NF1: variants seen among roughly 807,000 people sequenced by gnomAD.
NF1 encodes neurofibromin.
Under a neutral mutation model 325.7 loss-of-function variants are expected in NF1, and 122 were observed. That is an observed-to-expected ratio of 0.37 (90% CI 0.32 to 0.44). The LOEUF is 0.44. Ranked by LOEUF, NF1 falls within the 20% of genes least tolerant of loss-of-function variation. The pLI is 1.00. For synonymous variants in NF1, 1,091 were observed against 1,186.0 expected, an observed-to-expected ratio of 0.92 and a Z score of 1.65; for missense variants, 2,140 against 3,415.4, an observed-to-expected ratio of 0.63 and a Z score of 9.31.
chr17:31,275,936 A>G (rs1205702913), intron 36 of NF1, among the ~76,000 whole-genome samples: 1 of 152,112 alleles, frequency 6.6e-6, no homozygotes, highest in Non-Finnish European at 1.5e-5. Context: ...AAAGAATAGG[A>G]CACAGGCTCA....
intron 48 of NF1, among the ~76,000 whole-genome samples, chr17:31,346,901 C>G (rs1016726059): frequency 2.9e-5 from 4 of 136,034 alleles, no homozygotes; most frequent in African/African-American, 1.1e-4. Flanking sequence ...CTCTCAGATT[C>G]TAATAACTGA....
At position 31,116,474 on chromosome 17, in the gene NF1, G is replaced by A. The variant is rs1298815181; in HGVS notation, c.60+21105G>A. ...AAGAGTATCTGCGTAATCTAACTAG[G>A]ACCTGTCTAACCTACCTGCTTAAGG... On this transcript the variant is annotated intron_variant, in intron 1 of 57. Transcript: ENST00000358273. Among the ~76,000 whole-genome samples, 9 of 152,050 alleles carry A rather than the reference G, an allele frequency of 5.9e-5. No individual in the cohort carries two copies. The East Asian group carries it at 1.7e-3, about 29-fold the overall frequency.
chr17:31,100,118 C>T (rs1234468049), intron 1 of NF1, among the ~76,000 whole-genome samples: 3 of 151,432 alleles, frequency 2.0e-5, no homozygotes, highest in African/African-American at 7.3e-5. Context: ...AAAAGTAGTA[C>T]ATAAAAGCCA....
chr17:31,181,570 A>G, intron 6 of NF1, 81 bp downstream of exon 6: 1 of 1,399,878 alleles, frequency 7.1e-7, no homozygotes, highest in Non-Finnish European at 1.0e-6. Context: ...TCAAAAAGTT[A>G]TGACTTGAGT....
chr17:31,360,921 C>T, intron 57 of NF1: 1 of 579,910 alleles, frequency 1.7e-6, no homozygotes, highest in South Asian at 2.0e-5. Context: ...GTTAAAATGT[C>T]CACATGATAT....
chr17:31,190,085 A>C (rs1274522455), intron 8 of NF1, among the ~76,000 whole-genome samples: 1 of 102,930 alleles, frequency 9.7e-6, no homozygotes, highest in African/African-American at 3.0e-5. Flanking sequence ...TTAAAAATGT[A>C]TTACAAAAAA....
intron 5 of NF1, among the ~76,000 whole-genome samples, chr17:31,177,028 C>A (rs145264333): frequency 6.6e-4 from 101 of 152,220 alleles, no homozygotes; most frequent in African/African-American, 2.3e-3. Context: ...GTAGTTTTTT[C>A]TAATTCTGTG....
intron 25 of NF1, 127 bp from the exon 26 acceptor site, chr17:31,232,571 CGA>C: frequency 1.1e-6 from 1 of 895,466 alleles, no homozygotes; most frequent in Non-Finnish European, 1.8e-6. Flanking sequence ...CTGATTATCG[CGA>C]GAGAGGAGAG....
rs767807938 is a variant in NF1 at position 31,095,222 on chromosome 17, C to A, written c.-88C>A. 7.7e-7 allele frequency: 1 copy of A among 1,291,292 alleles called. No homozygotes were observed. Among genetic ancestry groups the A allele is most frequent in the Non-Finnish European group, 1.1e-6 (1 of 925,458 alleles). The allele number at this position is 1,291,292 out of a possible 1,614,324, so 80.0% of individuals were successfully genotyped here. On this transcript the variant is annotated 5_prime_UTR_variant, in exon 1 of 58. Transcript: ENST00000358273. ...CACAGACCCTCTCCTTGCCTCTTCC[C>A]TCACCTCAGCCTCCGCTCCCCGCCC...
chr17:31,304,716 A>T, intron 36 of NF1: 1 of 1,614,192 alleles, frequency 6.2e-7, no homozygotes, highest in Non-Finnish European at 8.5e-7. Flanking sequence ...TGGAGTCTTC[A>T]ATGTTTTCAC....
chr17:31,326,604 G>A (rs1357730802), intron 37 of NF1, among the ~76,000 whole-genome samples: 7 of 152,062 alleles, frequency 4.6e-5, no homozygotes, highest in South Asian at 4.1e-4. Flanking sequence ...CCGAGATTGC[G>A]CCACTGCACT....
chr17:31,295,233 G>A (rs1196087429), intron 36 of NF1: 27 of 1,613,982 alleles, frequency 1.7e-5, no homozygotes, highest in Non-Finnish European at 2.2e-5. Context: ...GAGCTAGTGA[G>A]GCTTGTGTTT....
intron 1 of NF1, among the ~76,000 whole-genome samples, chr17:31,097,703 CTT>C (rs879860758): frequency 6.8e-6 from 1 of 146,654 alleles, no homozygotes; most frequent in African/African-American, 2.5e-5. Context: ...TTATTCCTCA[CTT>C]TTTTTTTTTG....
chr17:31,134,824 G>T (rs906992698), intron 1 of NF1, among the ~76,000 whole-genome samples: 2 of 152,136 alleles, frequency 1.3e-5, no homozygotes, highest in African/African-American at 2.4e-5. Flanking sequence ...TGATCTGAGA[G>T]AATCAAAAGC....
chr17:31,115,665 C>G (rs929292929), intron 1 of NF1, among the ~76,000 whole-genome samples: 1 of 152,178 alleles, frequency 6.6e-6, no homozygotes, highest in Non-Finnish European at 1.5e-5. Context: ...CCAGTGATTT[C>G]CAAGTTCCAT....
chr17:31,141,883 TACC>T (rs1916242861), intron 1 of NF1, among the ~76,000 whole-genome samples: 1 of 152,188 alleles, frequency 6.6e-6, no homozygotes, highest in African/African-American at 2.4e-5. Context: ...TTATGTTTGT[TACC>T]TGGTGTCTAG....
chr17:31,117,617 G>A (rs978596374), intron 1 of NF1, among the ~76,000 whole-genome samples: 2 of 125,482 alleles, frequency 1.6e-5, no homozygotes, highest in African/African-American at 2.9e-5. Context: ...AGCTTGCAGT[G>A]AGCCAAGACT....
intron 1 of NF1, among the ~76,000 whole-genome samples, chr17:31,104,077 G>A (rs1040917012): frequency 6.6e-6 from 1 of 151,460 alleles, no homozygotes; most frequent in Non-Finnish European, 1.5e-5. Flanking sequence ...TTTGGGTACC[G>A]GCCACTGCAC....
At chr17:31,149,268 A>G (rs1000232306) in intron 1 of NF1, among the ~76,000 whole-genome samples, 2 of 151,344 alleles carry the variant, frequency 1.3e-5, no homozygotes, top group Admixed American at 6.6e-5. Flanking sequence ...ATATACACTT[A>G]TATACATGTA....
Sources: gnomAD v4.1 joint callset for allele counts (sites outside exome capture counted in the v4.1 genomes callset) on GRCh38, gnomAD v4.1.1 for gene constraint, MANE v1.5 for transcripts, NCBI Gene and HGNC (gene_info 2026-07-23, HGNC 2026-07-21) for gene names.